Variants in CHCHD6 observed in about 807,000 individuals in gnomAD.
CHCHD6 encodes the protein coiled-coil-helix-coiled-coil-helix domain containing 6.
CHCHD6 carries 28 observed loss-of-function variants against 32.3 expected under a neutral mutation model. The observed-to-expected ratio is 0.87, with a 90% CI of 0.64 to 1.19. The LOEUF is 1.19. Among genes scored for constraint, CHCHD6 ranks in the 50% most tolerant of loss-of-function variants. CHCHD6 has a pLI of 0.00. For synonymous variants in CHCHD6, 122 were observed against 117.5 expected, an observed-to-expected ratio of 1.04 and a Z score of -0.25; for missense variants, 333 against 307.0, an observed-to-expected ratio of 1.08 and a Z score of -0.63.
intron 5 of CHCHD6, among the ~76,000 whole-genome samples, chr3:126,905,399 G>A (rs1306976595): frequency 2.0e-5 from 3 of 152,198 alleles, no homozygotes; most frequent in Middle Eastern, 3.2e-3. Context: ...TGGGTAGATA[G>A]GGAAGAATTA....
At chr3:126,821,362 T>A (rs1412645649) in intron 4 of CHCHD6, among the ~76,000 whole-genome samples, 1 of 152,220 alleles carries the variant, frequency 6.6e-6, no homozygotes, top group Non-Finnish European at 1.5e-5. Context: ...AGTGGCACAA[T>A]CTTGGCTCAT....
chr3:126,946,441 C>G (rs746196107), intron 6 of CHCHD6, among the ~76,000 whole-genome samples: 5 of 152,224 alleles, frequency 3.3e-5, no homozygotes, highest in African/African-American at 4.8e-5. Flanking sequence ...GCCTCTGCCT[C>G]ACTAAGCAGC....
chr3:126,828,245 C>T (rs1418510952), intron 4 of CHCHD6, among the ~76,000 whole-genome samples: 4 of 152,198 alleles, frequency 2.6e-5, no homozygotes, highest in East Asian at 3.8e-4. Context: ...CTCTACCCTA[C>T]GAAACCAGTG....
chr3:126,862,423 ACCACCT>A (rs1183222485), intron 5 of CHCHD6, among the ~76,000 whole-genome samples: 9 of 121,610 alleles, frequency 7.4e-5, no homozygotes, highest in Non-Finnish European at 1.0e-4. Context: ...CTCCACCATC[ACCACCT>A]CCTCCTCCTC....
intron 2 of CHCHD6, among the ~76,000 whole-genome samples, chr3:126,728,714 A>G (rs537673716): frequency 2.0e-5 from 3 of 152,348 alleles, no homozygotes; most frequent in African/African-American, 7.2e-5. Flanking sequence ...CATAATATAT[A>G]ATACTACACA....
intron 4 of CHCHD6, among the ~76,000 whole-genome samples, chr3:126,765,880 A>G (rs1478972351): frequency 6.6e-6 from 1 of 152,214 alleles, no homozygotes; most frequent in East Asian, 1.9e-4. Flanking sequence ...AAGGGGAGAA[A>G]CAGAACCAAC....
chr3:126,941,939 C>T lies in CHCHD6; in HGVS notation c.567-15477C>T, dbSNP rs141016035. On this transcript the variant is annotated intron_variant, in intron 6 of 7. Transcript: ENST00000290913. ...ACTTCACCTGCTACCCTAATGTTGT[C>T]GTTTCCTTTCTGGTCCAGGAATCTG... 3.9e-3 allele frequency among the ~76,000 whole-genome samples: 598 copies of T among 152,294 alleles called. 4 individuals carry two copies. In the Middle Eastern group the frequency reaches 0.041, roughly 10 times the overall value.
intron 5 of CHCHD6, among the ~76,000 whole-genome samples, chr3:126,884,643 A>G (rs1241076172): frequency 6.6e-6 from 1 of 152,208 alleles, no homozygotes; most frequent in Non-Finnish European, 1.5e-5. Context: ...GGTTCATGAA[A>G]GAGGCGGGTG....
intron 4 of CHCHD6, among the ~76,000 whole-genome samples, chr3:126,749,047 A>G (rs768727982): frequency 4.6e-5 from 7 of 152,180 alleles, no homozygotes; most frequent in Non-Finnish European, 1.0e-4. Flanking sequence ...GGAAGGAGAC[A>G]AAGAATGAGG....
rs141751846 is a variant in CHCHD6 at position 126,894,019 on chromosome 3, G to C, written c.496-20661G>C. On this transcript the variant is annotated intron_variant, in intron 5 of 7. Transcript: ENST00000290913. ...CACCTCCAGGGCTCTACCCAGAAGA[G>C]CCAGTTAGGAAGCTGCACTTGGCTG... 2.1e-4 allele frequency among the ~76,000 whole-genome samples: 32 copies of C among 152,390 alleles called. No homozygotes were observed. The East Asian group carries it at 6.0e-3, about 28-fold the overall frequency.
intron 4 of CHCHD6, among the ~76,000 whole-genome samples, chr3:126,800,867 C>A (rs1235726240): frequency 6.6e-6 from 1 of 152,038 alleles, no homozygotes; most frequent in Non-Finnish European, 1.5e-5. Flanking sequence ...TGAAAAGCTT[C>A]ATAAACATGG....
intron 4 of CHCHD6, among the ~76,000 whole-genome samples, chr3:126,821,230 C>T (rs775315093): frequency 9.2e-5 from 14 of 152,068 alleles, no homozygotes; most frequent in African/African-American, 2.4e-4. Context: ...ATTTGCCAAT[C>T]GATGGACATT....
At chr3:126,762,327 G>C (rs1035214235) in intron 4 of CHCHD6, among the ~76,000 whole-genome samples, 7 of 151,986 alleles carry the variant, frequency 4.6e-5, no homozygotes, top group African/African-American at 1.7e-4. Context: ...CGTAAGTTTT[G>C]GTATGTTGTG....
At chr3:126,934,563 T>C (rs2078451582) in intron 6 of CHCHD6, among the ~76,000 whole-genome samples, 2 of 141,684 alleles carry the variant, frequency 1.4e-5, no homozygotes, top group Admixed American at 1.4e-4. Flanking sequence ...TTTTTTTTTT[T>C]TTTGAGACTG....
chr3:126,842,071 C>T (rs529374045), intron 4 of CHCHD6, among the ~76,000 whole-genome samples: 65 of 152,238 alleles, frequency 4.3e-4, no homozygotes, highest in Non-Finnish European at 8.5e-4. Flanking sequence ...CAACAAAATG[C>T]GATCCCGTCT....
In CHCHD6 at chr3:126,718,360, G is replaced by T. The variant is rs569116511; in HGVS notation, c.88-8718G>T. Among the ~76,000 whole-genome samples, 4 of 152,314 alleles carry T rather than the reference G, an allele frequency of 2.6e-5. No homozygotes were observed. The South Asian group carries it at 8.3e-4, about 32-fold the overall frequency. On this transcript the variant is annotated intron_variant, in intron 1 of 7. Transcript: ENST00000290913. ...ATCAATTGTTTACATTGTACCAACT[G>T]CTTTGTGTAGATTGCTTCATTTAAT...
At chr3:126,766,487 T>C in intron 4 of CHCHD6, 1 of 739,102 alleles carries the variant, frequency 1.4e-6, no homozygotes, top group Non-Finnish European at 2.5e-6. Flanking sequence ...TCTTTCTCGG[T>C]CTCACTTTTG....
intron 5 of CHCHD6, among the ~76,000 whole-genome samples, chr3:126,890,351 C>G (rs1490716838): frequency 6.6e-6 from 1 of 152,156 alleles, no homozygotes; most frequent in Non-Finnish European, 1.5e-5. Context: ...CCTCAAGGCT[C>G]GGTGACACAG....
rs1424752747 is a variant in CHCHD6 at position 126,960,219 on chromosome 3, C to G, written c.*18C>G. ...AGGGCTGAGGAGCAGACATCATTCC[C>G]TGCCCTGGCAGTGACTTGGAGCCCT... On this transcript the variant is annotated 3_prime_UTR_variant, in exon 8 of 8. Coordinates refer to ENST00000290913, the MANE Select transcript of CHCHD6 (RefSeq NM_032343.3). 6.4e-7 allele frequency: 1 copy of G among 1,551,462 alleles called. No individual in the cohort carries two copies. The highest frequency in any genetic ancestry group is 1.2e-5 in the South Asian group (1 of 84,044).
Sources: allele counts gnomAD v4.1 joint callset (sites outside exome capture counted in the v4.1 genomes callset), GRCh38; gene constraint gnomAD v4.1.1; transcripts MANE v1.5; gene names NCBI Gene and HGNC (gene_info 2026-07-23, HGNC 2026-07-21).